TBCK: variants seen among roughly 807,000 people sequenced by gnomAD.
TBCK encodes TBC1 domain containing kinase, also known as TBC domain-containing protein kinase-like protein.
In TBCK, 99 loss-of-function variants were observed where a neutral mutation model predicts 113.4. The ratio of observed to expected loss-of-function variants is 0.87; its 90% CI spans 0.74 to 1.03. The LOEUF is 1.03. TBCK is among the 50% of genes least tolerant of loss of function. The pLI, the probability that TBCK is intolerant of heterozygous loss-of-function variation, is 0.00. For missense variants in TBCK, 1,045 were observed against 1,061.3 expected, an observed-to-expected ratio of 0.98 and a Z score of 0.21; for synonymous variants, 369 against 370.8, an observed-to-expected ratio of 1.00 and a Z score of 0.05.
At position 106,252,913 on chromosome 4, in the gene TBCK, CA is replaced by C. The variant is rs544725600; in HGVS notation, c.456-907del. Among the ~76,000 whole-genome samples the C allele has an allele frequency of 2.3e-3, 357 of 152,182 alleles. 1 individual carries two copies. The highest frequency in any genetic ancestry group is 8.4e-3 in the African/African-American group (348 of 41,536). On this transcript the variant is annotated intron_variant, in intron 5 of 25. Transcript: ENST00000394708. Reference sequence around the variant, plus strand: ...GCCTATTTCCTCACAACTTCACTGACATAAAACGTTTTTTGAAAACCGGTTT... The same window carrying C: ...GCCTATTTCCTCACAACTTCACTGACTAAAACGTTTTTTGAAAACCGGTTT...
intron 4 of TBCK, 32 bp downstream of exon 4, chr4:106,262,066 T>C: frequency 7.7e-7 from 1 of 1,295,528 alleles, no homozygotes. Flanking sequence ...TCAAATGATA[T>C]ATAAATATTT....
chr4:106,309,061 A>G (rs1767870426), intron 1 of TBCK, 72 bp from the exon 2 acceptor site: 5 of 1,041,038 alleles, frequency 4.8e-6, no homozygotes, highest in African/African-American at 3.2e-5. Flanking sequence ...CATGATTAAC[A>G]TACAACTTGG....
In TBCK at chr4:106,045,870, C is replaced by T. The variant is rs1284164786; in HGVS notation, c.*700G>A. 2.0e-5 allele frequency: 3 copies of T among 152,190 alleles called. No individual in the cohort carries two copies. Among genetic ancestry groups the T allele is most frequent in the African/African-American group, 7.2e-5 (3 of 41,442 alleles). The allele number at this position is 152,190 out of a possible 1,614,324, so 9.4% of individuals were successfully genotyped here. On this transcript the variant is annotated 3_prime_UTR_variant, in exon 26 of 26. Coordinates refer to ENST00000394708, the MANE Select transcript of TBCK (RefSeq NM_001163435.3). ...TCTTAATGATCAGGAAACCAGTAGA[C>T]TAGCCCTGGACTGACTGTACAGACT...
chr4:106,244,580 C>T, intron 11 of TBCK, 46 bp downstream of exon 11: 1 of 1,399,096 alleles, frequency 7.1e-7, no homozygotes, highest in Non-Finnish European at 9.6e-7. Flanking sequence ...GAATTATTAC[C>T]ATGTATTTAT....
chr4:106,148,665 A>C lies in TBCK; in HGVS notation c.2235+22430T>G, dbSNP rs574625632. 2.5e-4 allele frequency among the ~76,000 whole-genome samples: 38 copies of C among 152,316 alleles called. No homozygotes were observed. In the South Asian group the frequency reaches 7.7e-3, roughly 31 times the overall value. ...AAAATATTTAGTAAACCACACTGTA[A>C]ACAGGTGTGCTGTCATCCAGACTTG... On this transcript the variant is annotated intron_variant, in intron 23 of 25. Transcript: ENST00000394708.
At chr4:106,312,503 G>A (rs1461509141) in intron 1 of TBCK, among the ~76,000 whole-genome samples, 1 of 152,060 alleles carries the variant, frequency 6.6e-6, no homozygotes, top group Non-Finnish European at 1.5e-5. Context: ...ATTGCTAGTG[G>A]GAGCGTAAAA....
chr4:106,148,029 C>T (rs998893527), intron 23 of TBCK, among the ~76,000 whole-genome samples: 1 of 152,162 alleles, frequency 6.6e-6, no homozygotes, highest in Non-Finnish European at 1.5e-5. Context: ...GAAATATACC[C>T]CAGTCTCCCA....
intron 17 of TBCK, 34 bp downstream of exon 17, chr4:106,232,904 A>G: frequency 6.4e-7 from 1 of 1,572,726 alleles, no homozygotes; most frequent in Non-Finnish European, 8.6e-7. Flanking sequence ...ATTTTCTAAT[A>G]CTCCAGAGGA....
intron 23 of TBCK, among the ~76,000 whole-genome samples, chr4:106,157,217 T>C (rs548297530): frequency 6.6e-6 from 1 of 152,234 alleles, no homozygotes; most frequent in South Asian, 2.1e-4. Context: ...GTTTCCAAGA[T>C]GTAAGACAGA....
chr4:106,207,207 C>T (rs1371516126), intron 20 of TBCK, among the ~76,000 whole-genome samples: 1 of 152,178 alleles, frequency 6.6e-6, no homozygotes, highest in African/African-American at 2.4e-5. Context: ...CTAGGCATCA[C>T]ATCAGTGTAC....
Position 106,043,688 on chromosome 4 carries a change from C to T in TBCK, c.*2882G>A, listed in dbSNP as rs1168480736. The T allele has an allele frequency of 6.6e-6, 1 of 151,958 alleles. No individual in the cohort carries two copies. Among genetic ancestry groups the T allele is most frequent in the African/African-American group, 2.4e-5 (1 of 41,356 alleles). 9.4% of individuals were successfully genotyped at this position (151,958 alleles called of 1,614,324 possible). A position where few individuals can be genotyped will look rare whatever the true frequency, so the allele number is the denominator to read the frequency against. On this transcript the variant is annotated 3_prime_UTR_variant, in exon 26 of 26. Coordinates refer to ENST00000394708, the MANE Select transcript of TBCK (RefSeq NM_001163435.3). ...GCCAGAGAAGACTGGAGGAGGTACA[C>T]TGTTGTTGCTAGATTATCAAGAGTT... is the stretch of plus-strand genomic sequence containing the variant.
At chr4:106,053,856 G>A (rs1735090510) in intron 25 of TBCK, among the ~76,000 whole-genome samples, 1 of 151,526 alleles carries the variant, frequency 6.6e-6, no homozygotes, top group South Asian at 2.1e-4. Flanking sequence ...TAATAAACCT[G>A]GATATGTTTC....
chr4:106,212,704 C>A, intron 20 of TBCK, 46 bp downstream of exon 20: 1 of 1,106,808 alleles, frequency 9.0e-7, no homozygotes, highest in Non-Finnish European at 1.3e-6. Flanking sequence ...ATAATTTCTG[C>A]TTTTTTTTTT....
rs557337136 is a variant in TBCK, at chr4:106,216,999, C to T, written c.1775-4164G>A. ...TACTGCCAAACCAAATCCAGCAGCA[C>T]ATCAAAATGCTTATCCACCATGATC... On this transcript the variant is annotated intron_variant, in intron 19 of 25. Coordinates refer to ENST00000394708, the MANE Select transcript of TBCK (RefSeq NM_001163435.3). 2.8e-4 allele frequency among the ~76,000 whole-genome samples: 43 copies of T among 152,294 alleles called. 1 individual carries two copies. In the South Asian group the frequency reaches 8.9e-3, roughly 32 times the overall value.
intron 22 of TBCK, among the ~76,000 whole-genome samples, chr4:106,174,649 ATT>A (rs947587005): frequency 6.6e-6 from 1 of 152,044 alleles, no homozygotes; most frequent in African/African-American, 2.4e-5. Flanking sequence ...GTTTGTGATA[ATT>A]TGTTTCTTTT....
chr4:106,313,878 A>C (rs974390460), intron 1 of TBCK, among the ~76,000 whole-genome samples: 13 of 152,230 alleles, frequency 8.5e-5, no homozygotes, highest in African/African-American at 2.7e-4. Flanking sequence ...CATACTCCAA[A>C]ATATAAAGCA....
intron 23 of TBCK, among the ~76,000 whole-genome samples, chr4:106,117,104 A>T (rs1006088138): frequency 2.0e-5 from 3 of 151,996 alleles, no homozygotes; most frequent in Non-Finnish European, 4.4e-5. Flanking sequence ...TGTTATTTAC[A>T]CTTATAGGAA....
chr4:106,069,672 T>C (rs1224091299), intron 25 of TBCK, among the ~76,000 whole-genome samples: 1 of 152,216 alleles, frequency 6.6e-6, no homozygotes, highest in Non-Finnish European at 1.5e-5. Context: ...TTTTTTCCAT[T>C]CTGTGAAGAA....
intron 25 of TBCK, among the ~76,000 whole-genome samples, chr4:106,055,886 GTCTT>G (rs1735327989): frequency 6.6e-6 from 1 of 151,272 alleles, no homozygotes; most frequent in Non-Finnish European, 1.5e-5. Context: ...CCTGGAATTT[GTCTT>G]TCTTTCTAGA....
Sources: allele counts gnomAD v4.1 joint callset (sites outside exome capture counted in the v4.1 genomes callset), GRCh38; gene constraint gnomAD v4.1.1; transcripts MANE v1.5; gene names NCBI Gene and HGNC (gene_info 2026-07-23, HGNC 2026-07-21).